The following THSD7B variants were observed in gnomAD, a reference collection of about 807,000 sequenced individuals.
The protein encoded by THSD7B is thrombospondin type-1 domain-containing protein 7B.
THSD7B carries 138 observed loss-of-function variants against 213.6 expected under a neutral mutation model. The ratio of observed to expected loss-of-function variants is 0.65; its 90% CI spans 0.56 to 0.74. THSD7B has a LOEUF of 0.74. Among genes scored for constraint, THSD7B ranks in the 30% least tolerant of loss-of-function variants. THSD7B has a pLI of 0.00. For missense variants in THSD7B, 1,931 were observed against 1,991.5 expected (o/e 0.97, Z 0.58); for synonymous variants, 742 against 687.0 (o/e 1.08, Z -1.25).
At chr2:137,479,426 G>T (rs1053823376) in intron 15 of THSD7B, 1 of 335,256 alleles carries the variant, frequency 3.0e-6, no homozygotes, top group Non-Finnish European at 6.0e-6. Context: ...GTGCATGCAG[G>T]TGCTGGCTGT....
At chr2:137,329,108 C>T (rs971909944) in intron 12 of THSD7B, among the ~76,000 whole-genome samples, 7 of 152,082 alleles carry the variant, frequency 4.6e-5, no homozygotes, top group African/African-American at 1.7e-4. Flanking sequence ...TTGGAGGGCT[C>T]AGAAGAAGAG....
intron 15 of THSD7B, among the ~76,000 whole-genome samples, chr2:137,467,792 T>C (rs1196336783): frequency 6.6e-6 from 1 of 152,120 alleles, no homozygotes; most frequent in Non-Finnish European, 1.5e-5. Context: ...ACACTTACAT[T>C]TTTGGCAAAG....
chr2:137,049,465 A>C (rs1687025985), intron 2 of THSD7B, among the ~76,000 whole-genome samples: 1 of 152,242 alleles, frequency 6.6e-6, no homozygotes, highest in South Asian at 2.1e-4. Flanking sequence ...TCAATTGCAA[A>C]GCAGAACAAT....
intron 7 of THSD7B, among the ~76,000 whole-genome samples, chr2:137,198,727 C>A (rs1382556363): frequency 6.6e-6 from 1 of 152,114 alleles, no homozygotes; most frequent in Non-Finnish European, 1.5e-5. Flanking sequence ...TCTGTGGATT[C>A]TCATGAACTT....
At chr2:137,489,158 G>A (rs2105119320) in intron 15 of THSD7B, among the ~76,000 whole-genome samples, 1 of 152,250 alleles carries the variant, frequency 6.6e-6, no homozygotes, top group East Asian at 1.9e-4. Context: ...TGGGTGCGGT[G>A]GCTCATGTCT....
At chr2:137,316,537 A>C (rs1290666914) in intron 12 of THSD7B, among the ~76,000 whole-genome samples, 1 of 152,160 alleles carries the variant, frequency 6.6e-6, no homozygotes, top group Admixed American at 6.5e-5. Context: ...GCACTTTGGG[A>C]GGTCGAGGTG....
At chr2:137,237,553 A>G (rs992799570) in intron 9 of THSD7B, among the ~76,000 whole-genome samples, 1 of 152,226 alleles carries the variant, frequency 6.6e-6, no homozygotes, top group East Asian at 1.9e-4. Context: ...GGCACTCAAA[A>G]TTAGTGTATG....
intron 7 of THSD7B, among the ~76,000 whole-genome samples, chr2:137,197,097 C>G (rs569285621): frequency 6.6e-6 from 1 of 152,126 alleles, no homozygotes; most frequent in African/African-American, 2.4e-5. Flanking sequence ...TACAAAATAA[C>G]TTCAAAAATG....
intron 2 of THSD7B, among the ~76,000 whole-genome samples, chr2:136,998,775 T>A (rs920878489): frequency 4.6e-5 from 7 of 152,176 alleles, no homozygotes; most frequent in African/African-American, 1.7e-4. Flanking sequence ...TCTCAAGTTC[T>A]GAGTCTAAAG....
intron 7 of THSD7B, 71 bp downstream of exon 7, chr2:137,171,009 A>G (rs975098407): frequency 2.1e-6 from 3 of 1,457,028 alleles, no homozygotes; most frequent in African/African-American, 1.4e-5. Context: ...ACCACCCTTC[A>G]ATAGATCATT....
intron 7 of THSD7B, among the ~76,000 whole-genome samples, chr2:137,184,553 A>G (rs1215127111): frequency 1.3e-5 from 2 of 152,186 alleles, no homozygotes; most frequent in African/African-American, 4.8e-5. Context: ...AATGAAATTT[A>G]TATATCTAAA....
intron 12 of THSD7B, among the ~76,000 whole-genome samples, chr2:137,309,537 G>A (rs1031877968): frequency 6.6e-6 from 1 of 151,426 alleles, no homozygotes; most frequent in African/African-American, 2.4e-5. Flanking sequence ...TTAAGTTTTA[G>A]GGTACATGTG....
chr2:137,510,197 C>G (rs1197305838), intron 15 of THSD7B, among the ~76,000 whole-genome samples: 1 of 152,026 alleles, frequency 6.6e-6, no homozygotes, highest in Non-Finnish European at 1.5e-5. Context: ...TTTTATTCCT[C>G]TATTCTTTCT....
At chr2:137,289,536 T>C (rs1336265489) in intron 12 of THSD7B, among the ~76,000 whole-genome samples, 1 of 152,080 alleles carries the variant, frequency 6.6e-6, no homozygotes, top group Non-Finnish European at 1.5e-5. Flanking sequence ...TTGTCAAATG[T>C]TTGTAAAATA....
intron 4 of THSD7B, among the ~76,000 whole-genome samples, chr2:137,106,449 A>T (rs1364336332): frequency 1.3e-5 from 2 of 152,242 alleles, no homozygotes; most frequent in Non-Finnish European, 2.9e-5. Context: ...ACCCTGGAAG[A>T]AAACCTAGGC....
chr2:137,143,420 C>T (rs1045493600), intron 5 of THSD7B, among the ~76,000 whole-genome samples: 1 of 152,136 alleles, frequency 6.6e-6, no homozygotes, highest in Non-Finnish European at 1.5e-5. Context: ...AGGAAGCAGG[C>T]AGCAGGGTGG....
intron 2 of THSD7B, among the ~76,000 whole-genome samples, chr2:136,887,710 G>A (rs1683743731): frequency 6.6e-6 from 1 of 152,060 alleles, no homozygotes; most frequent in Non-Finnish European, 1.5e-5. Flanking sequence ...GTAGAACCAT[G>A]AGCCAAATTA....
At chr2:137,027,168 C>A (rs1030675365) in intron 2 of THSD7B, among the ~76,000 whole-genome samples, 8 of 152,156 alleles carry the variant, frequency 5.3e-5, no homozygotes, top group African/African-American at 1.9e-4. Flanking sequence ...CAAAATCAAG[C>A]CCACACTTCT....
In THSD7B at chr2:137,641,065, C is replaced by T. The variant is rs567762503; in HGVS notation, c.3800-1423C>T. Among the ~76,000 whole-genome samples the T allele has an allele frequency of 4.1e-4, 63 of 152,268 alleles. No individual in the cohort carries two copies. The South Asian group carries it at 8.9e-3, about 22-fold the overall frequency. On this transcript the variant is annotated intron_variant, in intron 20 of 27. Coordinates refer to ENST00000409968, the MANE Select transcript of THSD7B (RefSeq NM_001316349.2). ...TGAAGGTATCTGTAATTGTTTCTAT[C>T]CAGGGTTTTCAAGTAAATTCTATCT...
Sources: allele counts gnomAD v4.1 joint callset (sites outside exome capture counted in the v4.1 genomes callset), GRCh38; gene constraint gnomAD v4.1.1; transcripts MANE v1.5; gene names NCBI Gene and HGNC (gene_info 2026-07-23, HGNC 2026-07-21).